ATP1A1: variants seen among roughly 807,000 people sequenced by gnomAD.
ATP1A1 encodes ATPase Na+/K+ transporting subunit alpha 1, also known as sodium/potassium-transporting ATPase subunit alpha-1.
A neutral mutation model predicts 114.8 loss-of-function variants in ATP1A1; 14 were observed. The observed-to-expected ratio is 0.12, with a 90% confidence interval of 0.08 to 0.19. The LOEUF (loss-of-function observed/expected upper bound fraction) is 0.19. ATP1A1 is among the 10% of genes least tolerant of loss of function. The pLI, the probability that ATP1A1 is intolerant of heterozygous loss-of-function variation, is 1.00. For synonymous variants in ATP1A1, 471 were observed against 466.3 expected (o/e 1.01, Z -0.13); for missense variants, 524 against 1,290.7 (o/e 0.41, Z 9.10).
intron 18 of ATP1A1, 73 bp from the exon 19 acceptor site, chr1:116,400,788 A>G: frequency 6.4e-7 from 1 of 1,555,020 alleles, no homozygotes; most frequent in Non-Finnish European, 8.8e-7. Flanking sequence ...GGCCTGCTGC[A>G]GTAATCAGCT....
chr1:116,387,639 C>A lies in ATP1A1; in HGVS notation c.387+148C>A. The A allele has an allele frequency of 1.1e-6, 1 of 916,042 alleles. No homozygotes were observed. Among genetic ancestry groups the A allele is most frequent in the Non-Finnish European group, 1.6e-6 (1 of 620,272 alleles). The allele number at this position is 916,042 out of a possible 1,614,324, so 56.7% of individuals were successfully genotyped here. On this transcript the variant is annotated intron_variant, in intron 4 of 22. Coordinates refer to ENST00000295598, the MANE Select transcript of ATP1A1 (RefSeq NM_000701.8). The surrounding 1 kb of genome is among the most constrained non-coding windows in gnomAD (Gnocchi z 6.7). Reference sequence around the variant, plus strand: ...TTATGAACAGCTGTTGCCTTCAAGGCTCATCCATTCTTCCTTCGTTTCCAT... The same window carrying A: ...TTATGAACAGCTGTTGCCTTCAAGGATCATCCATTCTTCCTTCGTTTCCAT...
rs1652147211 is a variant in ATP1A1 at position 116,387,071 on chromosome 1, G to A, written c.184-217G>A. 6.6e-6 allele frequency among the ~76,000 whole-genome samples: 1 copy of A among 152,200 alleles called. No individual in the cohort carries two copies. The highest frequency in any genetic ancestry group is 2.4e-5 in the African/African-American group (1 of 41,452). On this transcript the variant is annotated intron_variant, in intron 3 of 22. Coordinates refer to ENST00000295598, the MANE Select transcript of ATP1A1 (RefSeq NM_000701.8). The surrounding 1 kb of genome is among the most constrained non-coding windows in gnomAD (Gnocchi z 6.7). ...TAAAGAGTTTTAATCTGGGTGTTAT[G>A]AGTTCCTTGGGCCTATTGTTTGCCT...
At position 116,399,407 on chromosome 1, in the gene ATP1A1, C is replaced by T. The variant is rs774093509; in HGVS notation, c.2449-13C>T. The T allele has an allele frequency of 1.2e-6, 2 of 1,613,222 alleles. No individual in the cohort carries two copies. The highest frequency in any genetic ancestry group is 1.7e-5 in the Admixed American group (1 of 59,846). On this transcript the variant is annotated splice_polypyrimidine_tract_variant and intron_variant, in intron 17 of 22. Transcript: ENST00000295598. This position sits in a 1 kb window ranked among gnomAD's most constrained non-coding sequence, Gnocchi z 5.0. ...TTTTAGTAACTAAATTCCTTCTCCC[C>T]ACCCCTTCCCAGGTTCCTGCCATCT...
At position 116,404,479 on chromosome 1, in the gene ATP1A1, C is replaced by T; in HGVS notation, c.*35C>T. The stretch of plus-strand genomic sequence containing the variant: ...CTGCACGCCGTGGAGCATCAGGCCA[C>T]ACACTCTGCATCCGACACCCACCCC... On this transcript the variant is annotated 3_prime_UTR_variant, in exon 23 of 23. Coordinates refer to ENST00000295598, the MANE Select transcript of ATP1A1 (RefSeq NM_000701.8). This position sits in a 1 kb window ranked among gnomAD's most constrained non-coding sequence, Gnocchi z 4.8. The T allele has an allele frequency of 6.3e-7, 1 of 1,597,384 alleles. No homozygotes were observed. The highest frequency in any genetic ancestry group is 8.5e-7 in the Non-Finnish European group (1 of 1,174,712).
In ATP1A1 at chr1:116,390,149, G is replaced by A. The variant is rs41464748; in HGVS notation, c.1024-64G>A. On this transcript the variant is annotated intron_variant, in intron 8 of 22. Coordinates refer to ENST00000295598, the MANE Select transcript of ATP1A1 (RefSeq NM_000701.8). Reference sequence around the variant, plus strand: ...CAAATTTCTTCCACATTAGGATATAGCAAGAATCTGTATAGAATTCCAGCC... The same window carrying A: ...CAAATTTCTTCCACATTAGGATATAACAAGAATCTGTATAGAATTCCAGCC... 54,256 of 1,503,016 alleles carry A rather than the reference G, an allele frequency of 0.036. 2,309 individuals are homozygous for A. Among genetic ancestry groups the A allele is most frequent in the African/African-American group, 0.21 (15,182 of 72,106 alleles). The allele number at this position is 1,503,016 out of a possible 1,614,324, so 93.1% of individuals were successfully genotyped here. A position where few individuals can be genotyped will look rare whatever the true frequency, so the allele number is the denominator to read the frequency against.
chr1:116,397,292 A>G lies in ATP1A1; in HGVS notation c.1973+558A>G, dbSNP rs535717526. Among the ~76,000 whole-genome samples the G allele has an allele frequency of 6.6e-6, 1 of 152,278 alleles. No individual in the cohort carries two copies. Among genetic ancestry groups the G allele is most frequent in the Admixed American group, 6.5e-5 (1 of 15,298 alleles). On this transcript the variant is annotated intron_variant, in intron 14 of 22. Coordinates refer to ENST00000295598, the MANE Select transcript of ATP1A1 (RefSeq NM_000701.8). This position sits in a 1 kb window ranked among gnomAD's most constrained non-coding sequence, Gnocchi z 4.2. ...CGGTTAGAGGAGGGTTTGGTCTTGT[A>G]TCAGCTCTGCCACTTTCTAAAACTT...
rs559532322 is a variant in ATP1A1, at chr1:116,399,909, T to TA, written c.2572+367dup. 6.4e-4 allele frequency among the ~76,000 whole-genome samples: 98 copies of TA among 152,316 alleles called. No homozygotes were observed. The highest frequency in any genetic ancestry group is 1.4e-3 in the Admixed American group (22 of 15,302). On this transcript the variant is annotated intron_variant, in intron 18 of 22. Transcript: ENST00000295598. The surrounding 1 kb of genome is among the most constrained non-coding windows in gnomAD (Gnocchi z 5.0). ...GCTGCTTTCCCTGGAGATACACACT[T>TA]ATCTGTCACTCACTTGGATGGAGTT... is the stretch of plus-strand genomic sequence containing the variant.
rs373878783 is a variant in ATP1A1 at position 116,398,599 on chromosome 1, C to T, written c.2125-22C>T. ...CTAGGAAAAGTGATTGGTATTAACC[C>T]GTTTTCCCTTTTCTGGGGTAGGGTG... On this transcript the variant is annotated intron_variant, in intron 15 of 22. Coordinates refer to ENST00000295598, the MANE Select transcript of ATP1A1 (RefSeq NM_000701.8). The surrounding 1 kb of genome is among the most constrained non-coding windows in gnomAD (Gnocchi z 6.1). 4.9e-5 allele frequency: 79 copies of T among 1,610,110 alleles called. No individual in the cohort carries two copies. Among genetic ancestry groups the T allele is most frequent in the Admixed American group, 2.0e-4 (12 of 59,768 alleles).
chr1:116,379,102 T>C (rs1651569159), intron 1 of ATP1A1, among the ~76,000 whole-genome samples: 1 of 152,188 alleles, frequency 6.6e-6, no homozygotes, highest in South Asian at 2.1e-4. Flanking sequence ...GCAGGTAGGG[T>C]AGGCTGTCAG....
Position 116,401,615 on chromosome 1 carries a change from T to A in ATP1A1, c.2911T>A (p.Cys971Ser), listed in dbSNP as rs771666666. The A allele has an allele frequency of 6.2e-7, 1 of 1,614,264 alleles. No homozygotes were observed. The change falls in exon 21 of 23, where the codon TGC (cysteine) becomes AGC (serine). Residue 971 changes from cysteine (C) to serine (S), a missense_variant. Around this residue, in one of 8 missense-constraint regions of ATP1A1, gnomAD observed 84 missense variants for 209.3 expected, o/e 0.40. Transcript: ENST00000295598. The surrounding 1 kb of genome is among the most constrained non-coding windows in gnomAD (Gnocchi z 4.7). ...AGCCCTGGCTGCTTTCCTTTCCTAC[T>A]GCCCTGGAATGGGTGTTGCTCTTAG... ...ETALAAFLSY[C>S]PGMGVALRMY...
Position 116,384,137 on chromosome 1 carries a change from A to C in ATP1A1, c.123+13A>C. ...AGAAGTTTCTATGGTAAGTACTAGG[A>C]GGAATATTGTATTCCATCCTTATTA... On this transcript the variant is annotated intron_variant, in intron 2 of 22. Coordinates refer to ENST00000295598, the MANE Select transcript of ATP1A1 (RefSeq NM_000701.8). This position sits in a 1 kb window ranked among gnomAD's most constrained non-coding sequence, Gnocchi z 5.1. 2.5e-6 allele frequency: 4 copies of C among 1,599,174 alleles called. No homozygotes were observed. Among genetic ancestry groups the C allele is most frequent in the Non-Finnish European group, 2.6e-6 (3 of 1,166,600 alleles).
In ATP1A1 at chr1:116,381,519, T is replaced by A. The variant is rs764256785; in HGVS notation, c.13-2495T>A. ...TTGAAGAAAAAGCAGTTTTACTTGT[T>A]AATACTTGCCATGTGTCTCACCCAC... is the stretch of plus-strand genomic sequence containing the variant. On this transcript the variant is annotated intron_variant, in intron 1 of 22. Coordinates refer to ENST00000295598, the MANE Select transcript of ATP1A1 (RefSeq NM_000701.8). This position sits in a 1 kb window ranked among gnomAD's most constrained non-coding sequence, Gnocchi z 5.1. 2.0e-5 allele frequency among the ~76,000 whole-genome samples: 3 copies of A among 152,252 alleles called. No homozygotes were observed. The highest frequency in any genetic ancestry group is 4.4e-5 in the Non-Finnish European group (3 of 68,044).
rs776040306 is a variant in ATP1A1 at position 116,373,425 on chromosome 1, C to G, written c.-87C>G. 6 of 1,438,360 alleles carry G rather than the reference C, an allele frequency of 4.2e-6. No homozygotes were observed. The highest frequency in any genetic ancestry group is 5.6e-6 in the Non-Finnish European group (6 of 1,075,586). The allele number at this position is 1,438,360 out of a possible 1,614,324, so 89.1% of individuals were successfully genotyped here. A position where few individuals can be genotyped will look rare whatever the true frequency, so the allele number is the denominator to read the frequency against. On this transcript the variant is annotated 5_prime_UTR_variant, in exon 1 of 23. Transcript: ENST00000295598. ...CTCCCTCCACTTGGCTCCCCTGGTCCCGCTCGCTCGGCCGGGAGCTGCTCT... is the reference window on the plus strand; with the variant it reads ...CTCCCTCCACTTGGCTCCCCTGGTCGCGCTCGCTCGGCCGGGAGCTGCTCT...
chr1:116,399,203 A>G lies in ATP1A1; in HGVS notation c.2448+119A>G, dbSNP rs904328531. 8.8e-6 allele frequency: 13 copies of G among 1,475,328 alleles called. No individual in the cohort carries two copies. Among genetic ancestry groups the G allele is most frequent in the South Asian group, 7.6e-5 (6 of 79,428 alleles). 91.4% of individuals were successfully genotyped at this position (1,475,328 alleles called of 1,614,324 possible). On this transcript the variant is annotated intron_variant, in intron 17 of 22. Coordinates refer to ENST00000295598, the MANE Select transcript of ATP1A1 (RefSeq NM_000701.8). The surrounding 1 kb of genome is among the most constrained non-coding windows in gnomAD (Gnocchi z 5.0). ...GTTGGGAAAAGAAATTCTCAGGACCAGTATCCAGTGTGTGTCCCAATCCCG... is the reference window on the plus strand; with the variant it reads ...GTTGGGAAAAGAAATTCTCAGGACCGGTATCCAGTGTGTGTCCCAATCCCG...
chr1:116,401,772 C>G lies in ATP1A1; in HGVS notation c.2951+117C>G. 1 of 1,032,026 alleles carries G rather than the reference C, an allele frequency of 9.7e-7. No individual in the cohort carries two copies. The highest frequency in any genetic ancestry group is 1.5e-6 in the Non-Finnish European group (1 of 688,890). The allele number at this position is 1,032,026 out of a possible 1,614,324, so 63.9% of individuals were successfully genotyped here. Reference sequence around the variant, plus strand: ...ATTTTGAGTGGTATGTACAAAAATTCCTATGGGTTGGAAAACTGTGAAAGC... The same window carrying G: ...ATTTTGAGTGGTATGTACAAAAATTGCTATGGGTTGGAAAACTGTGAAAGC... On this transcript the variant is annotated intron_variant, in intron 21 of 22. Coordinates refer to ENST00000295598, the MANE Select transcript of ATP1A1 (RefSeq NM_000701.8). This position sits in a 1 kb window ranked among gnomAD's most constrained non-coding sequence, Gnocchi z 4.7.
rs111786555 is a variant in ATP1A1, at chr1:116,387,559, A to T, written c.387+68A>T. On this transcript the variant is annotated intron_variant, in intron 4 of 22. Transcript: ENST00000295598. The surrounding 1 kb of genome is among the most constrained non-coding windows in gnomAD (Gnocchi z 6.7). ...GATATCTTCTCCGTCTTTGTCTCCC[A>T]CTTCTTCTCAATTACCACTCATTAC... The T allele has an allele frequency of 6.9e-3, 10,545 of 1,527,132 alleles. 499 individuals carry two copies. The African/African-American group carries it at 0.11, about 16-fold the overall frequency. The allele number at this position is 1,527,132 out of a possible 1,614,324, so 94.6% of individuals were successfully genotyped here. A position where few individuals can be genotyped will look rare whatever the true frequency, so the allele number is the denominator to read the frequency against.
intron 1 of ATP1A1, among the ~76,000 whole-genome samples, chr1:116,378,050 T>G (rs1195009811): frequency 1.3e-5 from 2 of 152,344 alleles, no homozygotes; most frequent in Admixed American, 6.5e-5. Flanking sequence ...GCTGGAGTCA[T>G]AGAGAGACTG....
At position 116,401,962 on chromosome 1, in the gene ATP1A1, A is replaced by T; in HGVS notation, c.2951+307A>T. ...CTCAGGTCTGCCACAGCTGTAGTCCAGTTGTCTTTAGAGGCCAACTGGGGG... is the reference window on the plus strand; with the variant it reads ...CTCAGGTCTGCCACAGCTGTAGTCCTGTTGTCTTTAGAGGCCAACTGGGGG... On this transcript the variant is annotated intron_variant, in intron 21 of 22. Coordinates refer to ENST00000295598, the MANE Select transcript of ATP1A1 (RefSeq NM_000701.8). This position sits in a 1 kb window ranked among gnomAD's most constrained non-coding sequence, Gnocchi z 4.7. The T allele has an allele frequency of 3.2e-6, 1 of 311,658 alleles. No homozygotes were observed. The highest frequency in any genetic ancestry group is 4.7e-5 in the Admixed American group (1 of 21,346). The allele number at this position is 311,658 out of a possible 1,614,324, so 19.3% of individuals were successfully genotyped here.
chr1:116,398,933 G>A lies in ATP1A1; in HGVS notation c.2297G>A (p.Arg766His), dbSNP rs956023678. ...ASIVTGVEEG[R>H]LIFDNLKKSI... is the part of the protein sequence containing the mutation. ...TAAAAAATCTTGGTTTTCATAGGTCGTCTGATCTTTGATAACTTGAAGAAA... is the reference window on the plus strand; with the variant it reads ...TAAAAAATCTTGGTTTTCATAGGTCATCTGATCTTTGATAACTTGAAGAAA... Residue 766 changes from arginine (R) to histidine (H), a missense_variant, in exon 17 of 23, where the codon CGT becomes CAT. Around this residue, in one of 8 missense-constraint regions of ATP1A1, gnomAD observed 36 missense variants for 199.6 expected, o/e 0.18. Coordinates refer to ENST00000295598, the MANE Select transcript of ATP1A1 (RefSeq NM_000701.8). This position sits in a 1 kb window ranked among gnomAD's most constrained non-coding sequence, Gnocchi z 6.1. 1 of 1,614,112 alleles carries A rather than the reference G, an allele frequency of 6.2e-7. No homozygotes were observed. The highest frequency in any genetic ancestry group is 8.5e-7 in the Non-Finnish European group (1 of 1,179,980).
Sources: gnomAD v4.1 joint callset for allele counts (sites outside exome capture counted in the v4.1 genomes callset) on GRCh38, gnomAD v4.1.1 for gene constraint, gnomAD v4.1.1 regional missense constraint, Gnocchi (gnomAD v3.1) non-coding constraint, MANE v1.5 for transcripts, NCBI Gene and HGNC (gene_info 2026-07-23, HGNC 2026-07-21) for gene names.